The following DARS1 variants were observed in gnomAD, a reference collection of about 807,000 sequenced individuals.
DARS1 encodes aspartyl-tRNA synthetase 1.
A neutral mutation model predicts 68.8 loss-of-function variants in DARS1; 51 were observed. The ratio of observed to expected loss-of-function variants is 0.74; its 90% CI spans 0.59 to 0.94. The LOEUF (loss-of-function observed/expected upper bound fraction) is 0.94, where lower values mean the gene tolerates loss of function less well. Among genes scored for constraint, DARS1 ranks in the 40% least tolerant of loss-of-function variants. The pLI is 0.00. For missense variants in DARS1, 607 were observed against 597.3 expected, an observed-to-expected ratio of 1.02 and a Z score of -0.17; for synonymous variants, 203 against 190.4, an observed-to-expected ratio of 1.07 and a Z score of -0.55.
At chr2:135,954,945 G>T (rs1681936985) in intron 4 of DARS1, among the ~76,000 whole-genome samples, 1 of 151,788 alleles carries the variant, frequency 6.6e-6, no homozygotes, top group Non-Finnish European at 1.5e-5. Context: ...TAAGCACCTT[G>T]AAGTATTTCA....
At chr2:135,959,060 T>C (rs1682040099) in intron 4 of DARS1, among the ~76,000 whole-genome samples, 1 of 151,954 alleles carries the variant, frequency 6.6e-6, no homozygotes, top group African/African-American at 2.4e-5. Context: ...TTAAAAAATC[T>C]AGGCTAAATT....
chr2:135,937,877 C>G (rs1681504764), intron 5 of DARS1, among the ~76,000 whole-genome samples: 1 of 152,228 alleles, frequency 6.6e-6, no homozygotes, highest in Non-Finnish European at 1.5e-5. Context: ...GTCTGATGGG[C>G]TTCCCTTTGC....
At chr2:135,973,942 G>A (rs1466168687) in intron 3 of DARS1, among the ~76,000 whole-genome samples, 1 of 152,042 alleles carries the variant, frequency 6.6e-6, no homozygotes, top group Non-Finnish European at 1.5e-5. Flanking sequence ...TGCTTGAGGG[G>A]ATGCATACCC....
At chr2:135,922,294 T>C (rs1230025596) in intron 9 of DARS1, among the ~76,000 whole-genome samples, 1 of 152,156 alleles carries the variant, frequency 6.6e-6, no homozygotes, top group African/African-American at 2.4e-5. Context: ...TAAGAAATTA[T>C]AAAGGACAAA....
At chr2:135,910,005 C>T (rs574791950) in intron 15 of DARS1, among the ~76,000 whole-genome samples, 1 of 152,162 alleles carries the variant, frequency 6.6e-6, no homozygotes, top group South Asian at 2.1e-4. Flanking sequence ...AGACACACTT[C>T]TGGTCCCAAG....
rs538557286 is a variant in DARS1 at position 135,911,837 on chromosome 2, T to C, written c.1231-344A>G. Among the ~76,000 whole-genome samples the C allele has an allele frequency of 2.6e-5, 4 of 152,308 alleles. No individual in the cohort carries two copies. In the South Asian group the frequency reaches 6.2e-4, roughly 24 times the overall value. ...TTTGGAACTCCAAGTTATTAACAGG[T>C]GTGAGTCTTTAAATTATTATTATTT... On this transcript the variant is annotated intron_variant, in intron 13 of 15. Coordinates refer to ENST00000264161, the MANE Select transcript of DARS1 (RefSeq NM_001349.4).
At chr2:135,911,707 A>C in intron 13 of DARS1, 2 of 418,628 alleles carry the variant, frequency 4.8e-6, no homozygotes, top group Non-Finnish European at 4.2e-6. Flanking sequence ...ACACCCCCCA[A>C]TAACAAATCA....
intron 15 of DARS1, among the ~76,000 whole-genome samples, chr2:135,908,661 A>G (rs1468055322): frequency 6.6e-6 from 1 of 152,152 alleles, no homozygotes; most frequent in East Asian, 1.9e-4. Flanking sequence ...TTCTCTAATG[A>G]TCAGTGATGT....
chr2:135,981,674 C>CTTTTTTTTTTTTTTTTTTT (rs1312008531), intron 2 of DARS1, among the ~76,000 whole-genome samples: 7 of 140,562 alleles, frequency 5.0e-5, no homozygotes, highest in African/African-American at 1.9e-4. Flanking sequence ...GAAATTTTGG[C>CTTTTTTTTTTTTTTTTTTT]TTTTTTTTTT....
intron 4 of DARS1, among the ~76,000 whole-genome samples, chr2:135,947,806 T>C (rs1177963015): frequency 1.3e-5 from 2 of 151,518 alleles, no homozygotes; most frequent in East Asian, 1.9e-4. Context: ...GCTGCTAGAT[T>C]GCTTTATAGT....
chr2:135,952,043 C>G (rs929564521), intron 4 of DARS1, among the ~76,000 whole-genome samples: 2 of 152,092 alleles, frequency 1.3e-5, no homozygotes, highest in African/African-American at 4.8e-5. Context: ...GAGTTCAAGA[C>G]CAGGCTGGCC....
At chr2:135,942,899 G>A (rs1367344105) in intron 5 of DARS1, among the ~76,000 whole-genome samples, 1 of 152,134 alleles carries the variant, frequency 6.6e-6, no homozygotes, top group Non-Finnish European at 1.5e-5. Context: ...TCAAGGGCTA[G>A]AATCTATTTC....
intron 4 of DARS1, among the ~76,000 whole-genome samples, chr2:135,951,038 G>T (rs1452868653): frequency 6.6e-6 from 1 of 152,024 alleles, no homozygotes; most frequent in Non-Finnish European, 1.5e-5. Context: ...GTCTTGATGA[G>T]GTCCAACGGA....
intron 3 of DARS1, among the ~76,000 whole-genome samples, chr2:135,970,252 C>CAAAAAAA (rs1217937806): frequency 8.1e-5 from 4 of 49,226 alleles, no homozygotes; most frequent in Non-Finnish European, 1.3e-4. Flanking sequence ...GACCCTGTCT[C>CAAAAAAA]AAAAAAAAAA....
At chr2:135,964,739 G>A (rs1682183987) in intron 3 of DARS1, among the ~76,000 whole-genome samples, 1 of 150,228 alleles carries the variant, frequency 6.7e-6, no homozygotes, top group African/African-American at 2.5e-5. Flanking sequence ...TACTTGGGAG[G>A]TTGAGGCAGG....
chr2:135,911,313 G>T, intron 14 of DARS1, 69 bp downstream of exon 14: 1 of 847,614 alleles, frequency 1.2e-6, no homozygotes, highest in Non-Finnish European at 2.0e-6. Context: ...AGACTGAGAA[G>T]TCTTTTAAAT....
rs77862927 is a variant in DARS1 at position 135,907,000 on chromosome 2, CTT to C, written c.*314_*315del. ...TGTACAATCTTAACTGTTTAAAACTCTTAACGTTTACTGTAGTAACAGAATAT... is the reference window on the plus strand; with the variant it reads ...TGTACAATCTTAACTGTTTAAAACTCAACGTTTACTGTAGTAACAGAATAT... On this transcript the variant is annotated 3_prime_UTR_variant, in exon 16 of 16. Transcript: ENST00000264161. The C allele has an allele frequency of 7.9e-3, 1,350 of 170,640 alleles. 107 individuals carry two copies. In the East Asian group the frequency reaches 0.19, roughly 24 times the overall value. 10.6% of individuals were successfully genotyped at this position (170,640 alleles called of 1,614,324 possible). A position where few individuals can be genotyped will look rare whatever the true frequency, so the allele number is the denominator to read the frequency against.
chr2:135,968,372 T>C (rs1682286637), intron 3 of DARS1, among the ~76,000 whole-genome samples: 2 of 152,274 alleles, frequency 1.3e-5, no homozygotes, highest in East Asian at 1.9e-4. Flanking sequence ...GTATCTGAAA[T>C]TGGGTAATTT....
chr2:135,947,355 C>A (rs1158209046), intron 4 of DARS1, among the ~76,000 whole-genome samples: 3 of 148,606 alleles, frequency 2.0e-5, no homozygotes, highest in African/African-American at 7.5e-5. Context: ...TTACAGTGAG[C>A]AGAGATCGTG....
Sources: gnomAD v4.1 joint callset for allele counts (sites outside exome capture counted in the v4.1 genomes callset) on GRCh38, gnomAD v4.1.1 for gene constraint, MANE v1.5 for transcripts, NCBI Gene and HGNC (gene_info 2026-07-23, HGNC 2026-07-21) for gene names.